POU2F1: variants seen among roughly 807,000 people sequenced by gnomAD.
POU2F1 encodes the protein POU domain, class 2, transcription factor 1.
In POU2F1, 16 loss-of-function variants were observed where a neutral mutation model predicts 84.9. That is an observed-to-expected ratio of 0.19 (90% CI 0.13 to 0.29). The LOEUF (loss-of-function observed/expected upper bound fraction) is 0.29, where lower values mean the gene tolerates loss of function less well. Ranked by LOEUF, POU2F1 falls within the 10% of genes least tolerant of loss-of-function variation. The probability of loss-of-function intolerance (pLI) is 1.00; values close to 1 mark genes in which losing one functional copy is unlikely to be tolerated. For synonymous variants in POU2F1, 368 were observed against 368.3 expected, an observed-to-expected ratio of 1.00 and a Z score of 0.01; for missense variants, 738 against 942.6, an observed-to-expected ratio of 0.78 and a Z score of 2.84.
intron 1 of POU2F1, among the ~76,000 whole-genome samples, chr1:167,332,072 G>A (rs151016207): frequency 6.6e-6 from 1 of 152,028 alleles, no homozygotes; most frequent in Non-Finnish European, 1.5e-5. Flanking sequence ...ATTGCATATA[G>A]AAAAAGATAC....
rs371507009 is a variant in POU2F1, at chr1:167,413,063, G to T, written c.1939G>T (p.Gly647Cys). Residue 647 changes from glycine to cysteine, a missense_variant, in exon 15 of 16, where the codon GGT becomes TGT. Gly to Cys is a radical substitution (Grantham distance 159). This residue lies in a region of POU2F1 where 319 missense variants were observed against 386.0 expected (regional missense o/e 0.83). Transcript: ENST00000367866. ...CAGTCTGAATCCAGGGACCCTGAGC[G>T]GTGCTCTCAGCCCAGCTCTAATGAG... ...LLSLNPGTLSGALSPALMSNS... is the reference protein window; with the variant it reads ...LLSLNPGTLSCALSPALMSNS... 6.2e-7 allele frequency: 1 copy of T among 1,614,074 alleles called. No homozygotes were observed. The highest frequency in any genetic ancestry group is 1.1e-5 in the South Asian group (1 of 91,080).
chr1:167,305,920 G>A (rs1358333342), intron 1 of POU2F1, among the ~76,000 whole-genome samples: 2 of 152,100 alleles, frequency 1.3e-5, no homozygotes, highest in Non-Finnish European at 2.9e-5. Flanking sequence ...TACTCTGCTG[G>A]GCATATGGTA....
chr1:167,235,136 T>G (rs1276946791), intron 1 of POU2F1, among the ~76,000 whole-genome samples: 1 of 152,204 alleles, frequency 6.6e-6, no homozygotes, highest in Non-Finnish European at 1.5e-5. Context: ...ACACCTCATT[T>G]AATCATGCCC....
intron 1 of POU2F1, among the ~76,000 whole-genome samples, chr1:167,237,605 C>T (rs898778796): frequency 2.0e-5 from 3 of 151,560 alleles, no homozygotes; most frequent in Non-Finnish European, 4.4e-5. Flanking sequence ...TTTGTACTAC[C>T]ATTTGTCTGA....
chr1:167,385,635 C>T (rs1177351257), intron 8 of POU2F1, among the ~76,000 whole-genome samples: 1 of 152,080 alleles, frequency 6.6e-6, no homozygotes, highest in East Asian at 1.9e-4. Flanking sequence ...TATTATTTCA[C>T]ACCATGTACA....
intron 7 of POU2F1, among the ~76,000 whole-genome samples, chr1:167,382,070 A>T (rs1401585206): frequency 6.6e-6 from 1 of 152,204 alleles, no homozygotes; most frequent in East Asian, 1.9e-4. Flanking sequence ...CTCAAAAATT[A>T]GTTGAGTGCC....
intron 1 of POU2F1, among the ~76,000 whole-genome samples, chr1:167,241,225 C>T (rs1245899214): frequency 6.6e-6 from 1 of 152,168 alleles, no homozygotes; most frequent in Admixed American, 6.6e-5. Flanking sequence ...ACACATCTCC[C>T]TTTGATTTGC....
At chr1:167,298,565 A>G (rs1160197729) in intron 1 of POU2F1, among the ~76,000 whole-genome samples, 3 of 152,154 alleles carry the variant, frequency 2.0e-5, no homozygotes, top group African/African-American at 7.2e-5. Context: ...TAAGTAAACA[A>G]ACACTTCCCT....
chr1:167,273,301 C>A (rs1383810016), intron 1 of POU2F1, among the ~76,000 whole-genome samples: 1 of 152,224 alleles, frequency 6.6e-6, no homozygotes, highest in East Asian at 1.9e-4. Flanking sequence ...GTCAGTAGAT[C>A]TACCATTCTG....
chr1:167,381,018 C>G (rs1368405346), intron 7 of POU2F1: 1 of 151,948 alleles, frequency 6.6e-6, no homozygotes, highest in African/African-American at 2.4e-5. Flanking sequence ...GGTTAGAAAA[C>G]TGTTGTTCAT....
intron 1 of POU2F1, among the ~76,000 whole-genome samples, chr1:167,267,870 G>C (rs893554707): frequency 6.6e-6 from 1 of 151,940 alleles, no homozygotes; most frequent in Non-Finnish European, 1.5e-5. Context: ...TTGATCTCCT[G>C]ACCTCATGAT....
intron 1 of POU2F1, among the ~76,000 whole-genome samples, chr1:167,277,274 C>T (rs1652794575): frequency 6.6e-6 from 1 of 151,932 alleles, no homozygotes; most frequent in South Asian, 2.1e-4. Context: ...TCTTGCTCTG[C>T]TGCCTAGGCT....
At chr1:167,253,376 G>GGCCCC (rs1650873113) in intron 1 of POU2F1, among the ~76,000 whole-genome samples, 1 of 121,500 alleles carries the variant, frequency 8.2e-6, no homozygotes, top group Non-Finnish European at 1.7e-5. Context: ...TTATTTTTCT[G>GGCCCC]CCCCCCCCCC....
rs1650768722 is a variant in POU2F1, at chr1:167,423,529, G to C, written c.*7719G>C. 6.6e-6 allele frequency: 1 copy of C among 152,186 alleles called. No homozygotes were observed. The allele number at this position is 152,186 out of a possible 1,614,324, so 9.4% of individuals were successfully genotyped here. A position where few individuals can be genotyped will look rare whatever the true frequency, so the allele number is the denominator to read the frequency against. ...CTGGGAAAACAAGGTGTGTGTAATGGAACACCACTTTGAGCACAGAAACAA... is the reference window on the plus strand; with the variant it reads ...CTGGGAAAACAAGGTGTGTGTAATGCAACACCACTTTGAGCACAGAAACAA... On this transcript the variant is annotated 3_prime_UTR_variant, in exon 16 of 16. Coordinates refer to ENST00000367866, the MANE Select transcript of POU2F1 (RefSeq NM_002697.4).
chr1:167,392,354 CAAA>C (rs71572456), intron 9 of POU2F1, among the ~76,000 whole-genome samples: 9 of 88,496 alleles, frequency 1.0e-4, no homozygotes, highest in Admixed American at 2.5e-4. Flanking sequence ...GACTCTGTCT[CAAA>C]AAAAAAAAAA....
chr1:167,228,390 C>A (rs1356009692), intron 1 of POU2F1, among the ~76,000 whole-genome samples: 1 of 152,122 alleles, frequency 6.6e-6, no homozygotes, highest in Admixed American at 6.5e-5. Context: ...ACTAGAGATA[C>A]AAACATAATT....
chr1:167,264,741 T>TA (rs1267764881), intron 1 of POU2F1, among the ~76,000 whole-genome samples: 1 of 152,140 alleles, frequency 6.6e-6, no homozygotes, highest in Non-Finnish European at 1.5e-5. Flanking sequence ...GAAATTTTTT[T>TA]AAAAAAATTT....
At chr1:167,257,921 C>A (rs190351505) in intron 1 of POU2F1, 7 of 151,858 alleles carry the variant, frequency 4.6e-5, no homozygotes, top group Non-Finnish European at 1.0e-4. Context: ...ACTACAGGTG[C>A]GTGCCATCAT....
intron 2 of POU2F1, among the ~76,000 whole-genome samples, chr1:167,360,252 G>C (rs6427084): frequency 0.72 from 109,688 of 152,022 alleles, 39,794 homozygotes; most frequent in East Asian, 0.87. Flanking sequence ...CTTTTGAGTA[G>C]TTAGTCATAA....
Sources: allele counts gnomAD v4.1 joint callset (sites outside exome capture counted in the v4.1 genomes callset), GRCh38; gene constraint gnomAD v4.1.1; regional missense constraint gnomAD v4.1.1; transcripts MANE v1.5; gene names NCBI Gene and HGNC (gene_info 2026-07-23, HGNC 2026-07-21).